Variants in PDE11A observed in about 807,000 individuals in gnomAD.
PDE11A encodes phosphodiesterase 11A.
A neutral mutation model predicts 100.5 loss-of-function variants in PDE11A; 100 were observed. That is an observed-to-expected ratio of 1.00 (90% CI 0.85 to 1.18). PDE11A has a LOEUF of 1.18. Among genes scored for constraint, PDE11A ranks in the 50% most tolerant of loss-of-function variants. The pLI is 0.00. For synonymous variants in PDE11A, 381 were observed against 420.8 expected, an observed-to-expected ratio of 0.91 and a Z score of 1.16; for missense variants, 1,141 against 1,152.6, an observed-to-expected ratio of 0.99 and a Z score of 0.15.
intron 2 of PDE11A, among the ~76,000 whole-genome samples, chr2:177,987,840 T>C (rs1207274662): frequency 1.3e-5 from 2 of 152,228 alleles, no homozygotes; most frequent in African/African-American, 4.8e-5. Flanking sequence ...CGATATTCTT[T>C]TATTAGCTTT....
chr2:178,069,768 T>A (rs1021086936), intron 1 of PDE11A, among the ~76,000 whole-genome samples: 2 of 152,144 alleles, frequency 1.3e-5, no homozygotes, highest in Admixed American at 1.3e-4. Flanking sequence ...ACAAGTTAAC[T>A]GTTGAAGAGG....
chr2:177,783,565 T>C (rs898246143), intron 9 of PDE11A, among the ~76,000 whole-genome samples: 2 of 152,238 alleles, frequency 1.3e-5, no homozygotes, highest in African/African-American at 4.8e-5. Flanking sequence ...CTAAAGCTTA[T>C]TCCTTGCAAT....
At chr2:177,960,243 T>C (rs764616637) in intron 2 of PDE11A, among the ~76,000 whole-genome samples, 2 of 152,126 alleles carry the variant, frequency 1.3e-5, no homozygotes, top group Non-Finnish European at 2.9e-5. Context: ...CTAATTGTAG[T>C]AGAGACGGGG....
intron 19 of PDE11A, among the ~76,000 whole-genome samples, chr2:177,648,562 T>C (rs2080258204): frequency 6.6e-6 from 1 of 151,988 alleles, no homozygotes; most frequent in South Asian, 2.1e-4. Context: ...CCTTTTGAAC[T>C]AAATTTTAAA....
At chr2:177,744,512 G>C (rs2081920210) in intron 10 of PDE11A, among the ~76,000 whole-genome samples, 1 of 152,172 alleles carries the variant, frequency 6.6e-6, no homozygotes, top group South Asian at 2.1e-4. Context: ...TGAGGTGTAG[G>C]AGGTCAAGGG....
intron 19 of PDE11A, among the ~76,000 whole-genome samples, chr2:177,653,073 C>T (rs1003367709): frequency 6.6e-6 from 1 of 152,174 alleles, no homozygotes. Flanking sequence ...TAAGGGCATC[C>T]TGCAGGGAAT....
At chr2:178,055,116 G>C (rs1225556247) in intron 1 of PDE11A, among the ~76,000 whole-genome samples, 1 of 152,128 alleles carries the variant, frequency 6.6e-6, no homozygotes, top group Admixed American at 6.5e-5. Flanking sequence ...ATCAATGATA[G>C]ACTGGATTAA....
chr2:177,671,776 C>T (rs574878113), intron 17 of PDE11A, among the ~76,000 whole-genome samples: 3 of 152,128 alleles, frequency 2.0e-5, no homozygotes, highest in Middle Eastern at 3.4e-3. Context: ...CACTAGTGAC[C>T]GAGAAGACCA....
chr2:177,923,000 C>A (rs1200286845), intron 2 of PDE11A, among the ~76,000 whole-genome samples: 1 of 152,020 alleles, frequency 6.6e-6, no homozygotes, highest in East Asian at 1.9e-4. Flanking sequence ...TCAATAAAAT[C>A]TTTCTGGACT....
chr2:177,737,876 A>G (rs756251747), intron 10 of PDE11A, among the ~76,000 whole-genome samples: 5 of 152,214 alleles, frequency 3.3e-5, no homozygotes, highest in Non-Finnish European at 5.9e-5. Context: ...TCACCACTGT[A>G]GGCAGTAACT....
intron 2 of PDE11A, among the ~76,000 whole-genome samples, chr2:178,097,178 G>C (rs2087503747): frequency 1.3e-5 from 2 of 152,178 alleles, no homozygotes; most frequent in African/African-American, 2.4e-5. Context: ...GAGCCACCGT[G>C]CTCGGCCATC....
At chr2:178,002,787 CAAGGGAATGCA>C (rs1202842023) in intron 2 of PDE11A, among the ~76,000 whole-genome samples, 1 of 152,084 alleles carries the variant, frequency 6.6e-6, no homozygotes, top group Non-Finnish European at 1.5e-5. Context: ...AATTAGAAAT[CAAGGGAATGCA>C]ATTTTAAAAA....
chr2:177,841,507 A>T (rs2083489905), intron 5 of PDE11A, among the ~76,000 whole-genome samples: 1 of 152,252 alleles, frequency 6.6e-6, no homozygotes, highest in Non-Finnish European at 1.5e-5. Flanking sequence ...CTAAATGTGC[A>T]CATCGTCTTT....
At chr2:177,762,050 T>C (rs1407489691) in intron 10 of PDE11A, among the ~76,000 whole-genome samples, 1 of 152,004 alleles carries the variant, frequency 6.6e-6, no homozygotes, top group Non-Finnish European at 1.5e-5. Flanking sequence ...TGTACAATAA[T>C]GGCCTGCCTG....
chr2:178,098,670 G>A (rs1164378638), intron 2 of PDE11A, among the ~76,000 whole-genome samples: 1 of 151,840 alleles, frequency 6.6e-6, no homozygotes, highest in East Asian at 1.9e-4. Context: ...AGAGGGACAG[G>A]AATAGGAGAA....
intron 10 of PDE11A, among the ~76,000 whole-genome samples, chr2:177,761,089 C>T (rs529688618): frequency 3.3e-5 from 5 of 152,158 alleles, no homozygotes; most frequent in Non-Finnish European, 5.9e-5. Flanking sequence ...AATGAAGAAA[C>T]GTATTTAGTA....
Position 177,817,424 on chromosome 2 carries a change from A to T in PDE11A, c.1644+434T>A, listed in dbSNP as rs369709042. Among the ~76,000 whole-genome samples the T allele has an allele frequency of 2.0e-5, 3 of 152,308 alleles. No homozygotes were observed. The East Asian group carries it at 5.8e-4, about 29-fold the overall frequency. On this transcript the variant is annotated intron_variant, in intron 8 of 19. Coordinates refer to ENST00000286063, the MANE Select transcript of PDE11A (RefSeq NM_016953.4). ...ATAACCATGGGTTTTCATGTTGGCT[A>T]CTGGTACAGTCTATGAGGAAGCCCA...
At chr2:177,853,674 ATATATATGTGTG>A (rs1488032247) in intron 5 of PDE11A, among the ~76,000 whole-genome samples, 2 of 34,378 alleles carry the variant, frequency 5.8e-5, no homozygotes, top group African/African-American at 9.5e-5. Flanking sequence ...ATATATATAT[ATATATATGTGTG>A]TGTGTGTGTG....
chr2:177,900,151 C>T (rs2084675129), intron 3 of PDE11A, among the ~76,000 whole-genome samples: 1 of 151,934 alleles, frequency 6.6e-6, no homozygotes, highest in South Asian at 2.1e-4. Flanking sequence ...ATGGATGTTT[C>T]CAGAGATTTA....
Sources: gnomAD v4.1 joint callset for allele counts (sites outside exome capture counted in the v4.1 genomes callset) on GRCh38, gnomAD v4.1.1 for gene constraint, MANE v1.5 for transcripts, NCBI Gene and HGNC (gene_info 2026-07-23, HGNC 2026-07-21) for gene names.